The following RNF180 variants were observed in gnomAD, a reference collection of about 807,000 sequenced individuals.
The protein encoded by RNF180 is ring finger protein 180.
A neutral mutation model predicts 59.2 loss-of-function variants in RNF180; 38 were observed. The observed-to-expected ratio is 0.64, with a 90% confidence interval of 0.50 to 0.84. RNF180 has a LOEUF of 0.84. Ranked by LOEUF, RNF180 falls within the 40% of genes least tolerant of loss-of-function variation. The pLI, the probability that RNF180 is intolerant of heterozygous loss-of-function variation, is 0.00. For missense variants in RNF180, 705 were observed against 700.9 expected, an observed-to-expected ratio of 1.01 and a Z score of -0.07; for synonymous variants, 262 against 240.3, an observed-to-expected ratio of 1.09 and a Z score of -0.84.
chr5:64,273,580 T>A (rs1741552129), intron 5 of RNF180, among the ~76,000 whole-genome samples: 1 of 151,920 alleles, frequency 6.6e-6, no homozygotes, highest in African/African-American at 2.4e-5. Context: ...TATTTCAAGA[T>A]ATTTGAAAAA....
At chr5:64,308,846 C>A (rs951485695) in intron 5 of RNF180, among the ~76,000 whole-genome samples, 9 of 151,700 alleles carry the variant, frequency 5.9e-5, no homozygotes, top group African/African-American at 2.2e-4. Flanking sequence ...TATTAAACTT[C>A]ACTTTTTCTA....
chr5:64,292,528 A>G (rs1161004756), intron 5 of RNF180, among the ~76,000 whole-genome samples: 1 of 152,110 alleles, frequency 6.6e-6, no homozygotes, highest in Non-Finnish European at 1.5e-5. Flanking sequence ...TGGGGATGCT[A>G]ACCTGTTTCT....
intron 5 of RNF180, among the ~76,000 whole-genome samples, chr5:64,271,967 A>T (rs1002588420): frequency 2.6e-5 from 4 of 152,098 alleles, no homozygotes; most frequent in African/African-American, 9.6e-5. Context: ...GAATGCAGTA[A>T]ATTTAGAATA....
chr5:64,230,409 T>G (rs1742029958), intron 5 of RNF180, among the ~76,000 whole-genome samples: 2 of 152,230 alleles, frequency 1.3e-5, no homozygotes, highest in South Asian at 4.1e-4. Flanking sequence ...TCTTGCCTTT[T>G]CTGGCATCTA....
At chr5:64,331,351 G>C in intron 7 of RNF180, among the ~76,000 whole-genome samples, 1 of 152,218 alleles carries the variant, frequency 6.6e-6, no homozygotes, top group Non-Finnish European at 1.5e-5. Context: ...TGGGCTGTCA[G>C]TTCTGTGGAC....
chr5:64,253,339 A>G (rs1743706103), intron 5 of RNF180, among the ~76,000 whole-genome samples: 1 of 151,910 alleles, frequency 6.6e-6, no homozygotes, highest in African/African-American at 2.4e-5. Flanking sequence ...TTCAATTTCT[A>G]TGAATTTTTC....
chr5:64,333,616 C>T (rs1047814681), intron 7 of RNF180, among the ~76,000 whole-genome samples: 7 of 151,256 alleles, frequency 4.6e-5, no homozygotes, highest in Non-Finnish European at 1.0e-4. Flanking sequence ...ATTCTACCTT[C>T]TATGCTATAC....
intron 5 of RNF180, among the ~76,000 whole-genome samples, chr5:64,321,128 C>G (rs923064823): frequency 5.3e-5 from 8 of 152,094 alleles, no homozygotes; most frequent in Non-Finnish European, 7.4e-5. Flanking sequence ...GCCCTCCTCT[C>G]ACCACTCCTA....
chr5:64,173,717 C>CTTTTTTTTTTTTTTTTTTTT (rs113698456), intron 1 of RNF180, among the ~76,000 whole-genome samples: 3 of 140,066 alleles, frequency 2.1e-5, no homozygotes, highest in Admixed American at 7.2e-5. Context: ...ATAGCATCAA[C>CTTTTTTTTTTTTTTTTTTTT]TTTTTTTTTT....
At chr5:64,235,601 A>G (rs1193637947) in intron 5 of RNF180, among the ~76,000 whole-genome samples, 2 of 151,784 alleles carry the variant, frequency 1.3e-5, no homozygotes, top group South Asian at 2.1e-4. Flanking sequence ...AGGATAGACA[A>G]CACCGTATTG....
At chr5:64,337,491 TA>T (rs1182483854) in intron 7 of RNF180, among the ~76,000 whole-genome samples, 1 of 152,210 alleles carries the variant, frequency 6.6e-6, no homozygotes, top group Non-Finnish European at 1.5e-5. Context: ...TCTAGAAATA[TA>T]TTTTTTTGCA....
intron 5 of RNF180, among the ~76,000 whole-genome samples, chr5:64,222,595 TAA>T (rs1440618234): frequency 2.0e-5 from 3 of 152,208 alleles, no homozygotes; most frequent in Non-Finnish European, 4.4e-5. Context: ...ACTCAGTAGC[TAA>T]GGTTTTTATT....
intron 7 of RNF180, among the ~76,000 whole-genome samples, chr5:64,357,738 T>A (rs1396411371): frequency 6.6e-6 from 1 of 151,824 alleles, no homozygotes; most frequent in Non-Finnish European, 1.5e-5. Context: ...TGAAACAAGC[T>A]TCAAAATAAT....
At chr5:64,296,928 TG>T (rs1296433864) in intron 5 of RNF180, among the ~76,000 whole-genome samples, 1 of 152,158 alleles carries the variant, frequency 6.6e-6, no homozygotes, top group Non-Finnish European at 1.5e-5. Context: ...TTCATTCATC[TG>T]GTTTTTTGGT....
At chr5:64,283,497 C>T (rs143917216) in intron 5 of RNF180, among the ~76,000 whole-genome samples, 3 of 152,190 alleles carry the variant, frequency 2.0e-5, no homozygotes, top group East Asian at 3.9e-4. Flanking sequence ...TGTGTCCCCA[C>T]TCAAATTTCA....
chr5:64,284,509 T>C lies in RNF180; in HGVS notation c.1228-40677T>C, dbSNP rs553233815. On this transcript the variant is annotated intron_variant, in intron 5 of 7. Transcript: ENST00000389100. ...AACGAGTTGTAGATTTAGTCTCTTT[T>C]CATAATCCCACATATCTCAGAGGTT... 2.6e-5 allele frequency among the ~76,000 whole-genome samples: 4 copies of C among 152,342 alleles called. No homozygotes were observed. The South Asian group carries it at 8.3e-4, about 32-fold the overall frequency.
intron 2 of RNF180, among the ~76,000 whole-genome samples, chr5:64,208,160 A>G (rs1752118769): frequency 6.6e-6 from 1 of 152,020 alleles, no homozygotes; most frequent in Non-Finnish European, 1.5e-5. Flanking sequence ...AAAAATTAAA[A>G]TAATACATTG....
chr5:64,267,677 T>C (rs191845469), intron 5 of RNF180, among the ~76,000 whole-genome samples: 19 of 152,298 alleles, frequency 1.2e-4, no homozygotes, highest in Admixed American at 1.2e-3. Flanking sequence ...ACAAAGGACA[T>C]GAACTCATCA....
intron 1 of RNF180, among the ~76,000 whole-genome samples, chr5:64,187,950 C>T (rs974343722): frequency 4.6e-5 from 7 of 152,262 alleles, no homozygotes; most frequent in African/African-American, 1.7e-4. Flanking sequence ...CAGCATTTCA[C>T]AGATCATTGA....
Sources: allele counts gnomAD v4.1 joint callset (sites outside exome capture counted in the v4.1 genomes callset), GRCh38; gene constraint gnomAD v4.1.1; transcripts MANE v1.5; gene names NCBI Gene and HGNC (gene_info 2026-07-23, HGNC 2026-07-21).